The following DDX10 variants were observed in gnomAD, a reference collection of about 807,000 sequenced individuals.
The protein encoded by DDX10 is probable ATP-dependent RNA helicase DDX10.
DDX10 carries 74 observed loss-of-function variants against 104.3 expected under a neutral mutation model. The ratio of observed to expected loss-of-function variants is 0.71; its 90% CI spans 0.59 to 0.86. The LOEUF (loss-of-function observed/expected upper bound fraction) is 0.86, where lower values mean the gene tolerates loss of function less well. DDX10 is among the 40% of genes least tolerant of loss of function. DDX10 has a pLI of 0.00. For missense variants in DDX10, 952 were observed against 1,040.0 expected (o/e 0.92, Z 1.16); for synonymous variants, 351 against 353.4 (o/e 0.99, Z 0.08).
At chr11:108,769,911 ATAGT>A (rs1174935594) in intron 13 of DDX10, among the ~76,000 whole-genome samples, 2 of 152,230 alleles carry the variant, frequency 1.3e-5, no homozygotes. Flanking sequence ...CTAACATAAA[ATAGT>A]TAATGAAAAA....
intron 13 of DDX10, among the ~76,000 whole-genome samples, chr11:108,800,153 G>T (rs146908018): frequency 1.3e-5 from 2 of 151,522 alleles, no homozygotes; most frequent in East Asian, 3.9e-4. Flanking sequence ...TCCTTAAAAT[G>T]AACATCTTGA....
intron 13 of DDX10, among the ~76,000 whole-genome samples, chr11:108,774,500 G>A (rs1184771073): frequency 6.6e-6 from 1 of 152,020 alleles, no homozygotes; most frequent in Non-Finnish European, 1.5e-5. Flanking sequence ...ATTTTTAGCT[G>A]GAAATATCTG....
intron 15 of DDX10, among the ~76,000 whole-genome samples, chr11:108,845,387 A>G (rs939922459): frequency 2.0e-5 from 3 of 152,132 alleles, no homozygotes; most frequent in African/African-American, 7.2e-5. Flanking sequence ...TTTTTTCCTA[A>G]CTGAGTATAC....
intron 13 of DDX10, among the ~76,000 whole-genome samples, chr11:108,831,440 A>AG (rs1862470760): frequency 6.6e-6 from 1 of 151,128 alleles, no homozygotes; most frequent in South Asian, 2.1e-4. Flanking sequence ...AAAAAAAAAA[A>AG]AAAAAGAAAT....
chr11:108,835,187 T>C (rs1027506457), intron 13 of DDX10, among the ~76,000 whole-genome samples: 9 of 152,114 alleles, frequency 5.9e-5, no homozygotes, highest in African/African-American at 2.2e-4. Context: ...ATTTTAGATG[T>C]TTTACCACCG....
At chr11:108,900,959 C>G (rs1863509633) in intron 16 of DDX10, among the ~76,000 whole-genome samples, 1 of 152,172 alleles carries the variant, frequency 6.6e-6, no homozygotes, top group African/African-American at 2.4e-5. Flanking sequence ...CTCATCACCT[C>G]TACATGTTCC....
rs1157629518 is a variant in DDX10, at chr11:108,940,791, T to G, written c.*368T>G. 1 of 235,126 alleles carries G rather than the reference T, an allele frequency of 4.3e-6. No individual in the cohort carries two copies. The highest frequency in any genetic ancestry group is 2.2e-5 in the African/African-American group (1 of 45,260). 14.6% of individuals were successfully genotyped at this position (235,126 alleles called of 1,614,324 possible). A position where few individuals can be genotyped will look rare whatever the true frequency, so the allele number is the denominator to read the frequency against. On this transcript the variant is annotated 3_prime_UTR_variant, in exon 18 of 18. Coordinates refer to ENST00000322536, the MANE Select transcript of DDX10 (RefSeq NM_004398.4). ...CCTGTCTTGCTTACTGTACAGAAGT[T>G]TCTGTTGCTGTTAAAATTGCTCATG...
chr11:108,893,214 G>A (rs541846084), intron 16 of DDX10, among the ~76,000 whole-genome samples: 1 of 152,044 alleles, frequency 6.6e-6, no homozygotes, highest in Non-Finnish European at 1.5e-5. Flanking sequence ...TGATAGTTTA[G>A]GATTGATTTG....
intron 13 of DDX10, among the ~76,000 whole-genome samples, chr11:108,800,666 A>G (rs1318243806): frequency 6.6e-6 from 1 of 152,126 alleles, no homozygotes; most frequent in Non-Finnish European, 1.5e-5. Flanking sequence ...ATTGACAATC[A>G]ATATGGGAAA....
chr11:108,707,295 C>A (rs1258165914), intron 10 of DDX10, among the ~76,000 whole-genome samples: 1 of 152,188 alleles, frequency 6.6e-6, no homozygotes, highest in Admixed American at 6.5e-5. Context: ...GAACCTCTGA[C>A]AACTACTGAT....
intron 15 of DDX10, among the ~76,000 whole-genome samples, chr11:108,850,834 C>T (rs139358701): frequency 0.011 from 1,669 of 152,200 alleles, 30 homozygotes; most frequent in Middle Eastern, 0.014. Context: ...AGTCCCAAGT[C>T]CATCACTTAC....
chr11:108,717,270 T>C (rs530179996), intron 11 of DDX10, among the ~76,000 whole-genome samples: 2 of 152,332 alleles, frequency 1.3e-5, no homozygotes, highest in African/African-American at 4.8e-5. Context: ...TTTTATGTAA[T>C]GGTTTTGAAA....
At chr11:108,788,097 C>G (rs909407076) in intron 13 of DDX10, among the ~76,000 whole-genome samples, 1 of 152,174 alleles carries the variant, frequency 6.6e-6, no homozygotes, top group African/African-American at 2.4e-5. Flanking sequence ...TGATGCGCTT[C>G]CTTGCCATCC....
intron 10 of DDX10, among the ~76,000 whole-genome samples, chr11:108,713,499 T>C (rs2094287256): frequency 6.6e-6 from 1 of 152,110 alleles, no homozygotes; most frequent in African/African-American, 2.4e-5. Flanking sequence ...TCTCTCGCAT[T>C]TCTTTTCGGT....
chr11:108,682,345 T>G (rs958875375), intron 6 of DDX10, among the ~76,000 whole-genome samples: 3 of 152,170 alleles, frequency 2.0e-5, no homozygotes, highest in Non-Finnish European at 2.9e-5. Flanking sequence ...CCTCAGGTGA[T>G]CCACCCGCCT....
chr11:108,938,321 C>G (rs747919382), intron 17 of DDX10, among the ~76,000 whole-genome samples: 1 of 152,192 alleles, frequency 6.6e-6, no homozygotes, highest in African/African-American at 2.4e-5. Flanking sequence ...AATACTTGGA[C>G]TACATAAATT....
At chr11:108,731,400 C>T (rs370522264) in intron 13 of DDX10, among the ~76,000 whole-genome samples, 124 of 152,100 alleles carry the variant, frequency 8.2e-4, no homozygotes, top group Middle Eastern at 3.4e-3. Context: ...TACCTACTTT[C>T]GAATTTTAAA....
chr11:108,741,096 C>T (rs778446253), intron 13 of DDX10, among the ~76,000 whole-genome samples: 16 of 152,038 alleles, frequency 1.1e-4, no homozygotes, highest in East Asian at 3.9e-4. Context: ...TTGACTTTAT[C>T]GAAGATCAGA....
intron 8 of DDX10, among the ~76,000 whole-genome samples, chr11:108,692,872 C>T (rs558066036): frequency 1.2e-4 from 19 of 152,130 alleles, no homozygotes; most frequent in Admixed American, 2.6e-4. Flanking sequence ...TACAGGCATG[C>T]GCCATGCCTG....
Sources: allele counts gnomAD v4.1 joint callset (sites outside exome capture counted in the v4.1 genomes callset), GRCh38; gene constraint gnomAD v4.1.1; transcripts MANE v1.5; gene names NCBI Gene and HGNC (gene_info 2026-07-23, HGNC 2026-07-21).